The following RALGAPB variants were observed in gnomAD, a reference collection of about 807,000 sequenced individuals.
RALGAPB encodes Ral GTPase activating protein non-catalytic subunit beta.
Under a neutral mutation model 161.1 loss-of-function variants are expected in RALGAPB, and 25 were observed. That is an observed-to-expected ratio of 0.16 (90% CI 0.11 to 0.22). The LOEUF (loss-of-function observed/expected upper bound fraction) is 0.22. Ranked by LOEUF, RALGAPB falls within the 10% of genes least tolerant of loss-of-function variation. The probability of loss-of-function intolerance (pLI) is 1.00; values close to 1 mark genes in which losing one functional copy is unlikely to be tolerated. For missense variants in RALGAPB, 1,391 were observed against 1,815.2 expected (o/e 0.77, Z 4.25); for synonymous variants, 629 against 626.1 (o/e 1.00, Z -0.07).
intron 24 of RALGAPB, among the ~76,000 whole-genome samples, chr20:38,564,672 A>G (rs1182844232): frequency 1.3e-5 from 2 of 152,162 alleles, no homozygotes; most frequent in African/African-American, 4.8e-5. Flanking sequence ...CCTGGCTTAG[A>G]GCAGATACTA....
rs202134939 is a variant in RALGAPB at position 38,488,423 on chromosome 20, T to C, written c.-10T>C. On this transcript the variant is annotated 5_prime_UTR_variant, in exon 2 of 30. An upstream open reading frame in the 5' UTR loses its in-frame stop. Transcript: ENST00000262879. Reference sequence around the variant, plus strand: ...TTCAGGTGCCATTTGGATTGTACTTTAGTGGCACGATGTACTCTGAGTGGA... The same window carrying C: ...TTCAGGTGCCATTTGGATTGTACTTCAGTGGCACGATGTACTCTGAGTGGA... 1.1e-5 allele frequency: 17 copies of C among 1,606,936 alleles called. No individual in the cohort carries two copies. Among genetic ancestry groups the C allele is most frequent in the East Asian group, 6.7e-5 (3 of 44,728 alleles).
At chr20:38,519,055 T>TA (rs2086214957) in intron 9 of RALGAPB, among the ~76,000 whole-genome samples, 1 of 152,222 alleles carries the variant, frequency 6.6e-6, no homozygotes, top group African/African-American at 2.4e-5. Context: ...TGAATATTCT[T>TA]ACAAATCTTT....
rs755058311 is a variant in RALGAPB at position 38,509,198 on chromosome 20, C to T, written c.862C>T (p.His288Tyr). 9 of 1,613,298 alleles carry T rather than the reference C, an allele frequency of 5.6e-6. No individual in the cohort carries two copies. The East Asian group carries it at 1.8e-4, about 32-fold the overall frequency. The change falls in exon 6 of 30, where the codon CAC (histidine) becomes TAC (tyrosine). Residue 288 changes from histidine to tyrosine, a missense_variant. Physicochemically the swap from His to Tyr is moderately conservative, Grantham distance 83. Transcript: ENST00000262879. ...TGCACAGACATGGTTTCGCTTTTTA[C>T]ACATGTTAAGGTATTGTTATTTTAT... The part of the protein sequence containing the change: ...CVAQTWFRFL[H>Y]MLSNPVDLSN...
At chr20:38,531,135 T>G (rs763756278) in intron 13 of RALGAPB, 32 bp from the exon 14 acceptor site, 1 of 1,517,220 alleles carries the variant, frequency 6.6e-7, no homozygotes, top group Non-Finnish European at 9.1e-7. Context: ...CTTGTGTATT[T>G]TATATAAAAT....
intron 1 of RALGAPB, among the ~76,000 whole-genome samples, chr20:38,477,926 A>G (rs2084854727): frequency 6.6e-6 from 1 of 152,148 alleles, no homozygotes; most frequent in Non-Finnish European, 1.5e-5. Context: ...GTTTGAGGCC[A>G]GCCTGGGCAG....
chr20:38,555,140 C>T (rs1432386044), intron 22 of RALGAPB, among the ~76,000 whole-genome samples: 2 of 152,150 alleles, frequency 1.3e-5, no homozygotes, highest in African/African-American at 2.4e-5. Context: ...TAGATGTGGA[C>T]ATAGAGGCTT....
chr20:38,484,350 C>A (rs1160063603), intron 1 of RALGAPB, among the ~76,000 whole-genome samples: 1 of 152,090 alleles, frequency 6.6e-6, no homozygotes, highest in Non-Finnish European at 1.5e-5. Context: ...AAGCCCAGCC[C>A]CAGCAACAAA....
intron 2 of RALGAPB, 44 bp from the exon 3 acceptor site, chr20:38,492,886 T>A: frequency 1.4e-6 from 2 of 1,479,196 alleles, no homozygotes; most frequent in Non-Finnish European, 1.9e-6. Flanking sequence ...TCTACTGAGA[T>A]AGGAACGTGT....
chr20:38,491,777 C>T (rs1262299589), intron 2 of RALGAPB, among the ~76,000 whole-genome samples: 4 of 152,198 alleles, frequency 2.6e-5, no homozygotes, highest in Non-Finnish European at 5.9e-5. Flanking sequence ...TATGAAAGTG[C>T]TTTGTAAACT....
rs116999169 is a variant in RALGAPB, at chr20:38,507,087, T to C, written c.741-1990T>C. On this transcript the variant is annotated intron_variant, in intron 5 of 29. Transcript: ENST00000262879. ...TTATAATCACAGTACATGCTTATAA[T>C]AGAAAATTTGGAAAATGTAGGGACA... is the stretch of plus-strand genomic sequence containing the variant. Among the ~76,000 whole-genome samples, 388 of 152,342 alleles carry C rather than the reference T, an allele frequency of 2.5e-3. 1 individual carries two copies. The highest frequency in any genetic ancestry group is 4.4e-3 in the Non-Finnish European group (299 of 68,040).
At chr20:38,489,610 A>G (rs1055939090) in intron 2 of RALGAPB, among the ~76,000 whole-genome samples, 2 of 152,212 alleles carry the variant, frequency 1.3e-5, no homozygotes, top group African/African-American at 2.4e-5. Flanking sequence ...GAAGAAGCTC[A>G]TGCAACCTTC....
chr20:38,568,165 A>G (rs1466737986), intron 26 of RALGAPB, among the ~76,000 whole-genome samples: 1 of 152,178 alleles, frequency 6.6e-6, no homozygotes, highest in Non-Finnish European at 1.5e-5. Flanking sequence ...ATGCCAGCAT[A>G]GTTATTCCTT....
chr20:38,558,403 GAC>G lies in RALGAPB; in HGVS notation c.3485_3486del (p.Thr1162SerfsTer60). The G allele has an allele frequency of 6.2e-7, 1 of 1,605,062 alleles. No homozygotes were observed. The highest frequency in any genetic ancestry group is 8.5e-7 in the Non-Finnish European group (1 of 1,174,908). ...YLDLLPCRPFDTVFIFYMKPG... is the reference protein window; with the variant it reads ...YLDLLPCRPFXTVFIFYMKPG... ...GGATCTCTTGCCATGTCGTCCTTTT[GAC>G]ACAGTTTTTATTTTCTATATGAAGC... On this transcript the variant is annotated frameshift_variant, in exon 23 of 30. Transcript: ENST00000262879. LOFTEE classifies it high-confidence loss of function.
chr20:38,520,280 G>T, intron 9 of RALGAPB: 3 of 874,914 alleles, frequency 3.4e-6, no homozygotes, highest in Non-Finnish European at 4.1e-6. Context: ...AATCTTGTAA[G>T]TAGGAACCAG....
At chr20:38,501,493 C>T (rs1210426941) in intron 5 of RALGAPB, among the ~76,000 whole-genome samples, 3 of 152,134 alleles carry the variant, frequency 2.0e-5, no homozygotes, top group Non-Finnish European at 4.4e-5. Context: ...GAACACACCT[C>T]CCAGGTTCAA....
At chr20:38,486,447 T>C (rs949000829) in intron 1 of RALGAPB, among the ~76,000 whole-genome samples, 10 of 152,320 alleles carry the variant, frequency 6.6e-5, no homozygotes, top group African/African-American at 2.4e-4. Flanking sequence ...TAAGGTATAC[T>C]CCTCTCTTCA....
At chr20:38,486,416 C>T (rs1395843573) in intron 1 of RALGAPB, among the ~76,000 whole-genome samples, 1 of 152,028 alleles carries the variant, frequency 6.6e-6, no homozygotes, top group African/African-American at 2.4e-5. Context: ...AGCTATTAAA[C>T]CTATTTTGAT....
At chr20:38,572,057 A>G (rs1452307667) in intron 28 of RALGAPB, among the ~76,000 whole-genome samples, 1 of 152,218 alleles carries the variant, frequency 6.6e-6, no homozygotes, top group Non-Finnish European at 1.5e-5. Flanking sequence ...AGGCAATTAA[A>G]TATTAATAAA....
At position 38,487,356 on chromosome 20, in the gene RALGAPB, TAATA is replaced by T. The variant is rs1221055447; in HGVS notation, c.-30-1043_-30-1040del. Among the ~76,000 whole-genome samples the T allele has an allele frequency of 2.6e-5, 4 of 152,078 alleles. No individual in the cohort carries two copies. The Middle Eastern group carries it at 0.01, about 388-fold the overall frequency. ...TTGATTTTTTTTTATTTGGATAAAA[TAATA>T]AATCGTATACTGAAGAATAAATGTC... On this transcript the variant is annotated intron_variant, in intron 1 of 29. Coordinates refer to ENST00000262879, the MANE Select transcript of RALGAPB (RefSeq NM_020336.4).
Sources: allele counts gnomAD v4.1 joint callset (sites outside exome capture counted in the v4.1 genomes callset), GRCh38; gene constraint gnomAD v4.1.1; transcripts MANE v1.5; gene names NCBI Gene and HGNC (gene_info 2026-07-23, HGNC 2026-07-21).